Variants in ACTN1 observed in about 807,000 individuals in gnomAD.
The protein encoded by ACTN1 is alpha-actinin-1.
ACTN1 carries 30 observed loss-of-function variants against 119.6 expected under a neutral mutation model. That is an observed-to-expected ratio of 0.25 (90% confidence interval 0.19 to 0.34). The LOEUF (loss-of-function observed/expected upper bound fraction) is 0.34, where lower values mean the gene tolerates loss of function less well. Ranked by LOEUF, ACTN1 falls within the 10% of genes least tolerant of loss-of-function variation. The pLI is 1.00. For synonymous variants in ACTN1, 429 were observed against 472.6 expected (o/e 0.91, Z 1.20); for missense variants, 764 against 1,223.4 (o/e 0.62, Z 5.60).
At chr14:68,902,622 C>A (rs1056599583) in intron 7 of ACTN1, 60 bp from the exon 8 acceptor site, 4 of 1,436,310 alleles carry the variant, frequency 2.8e-6, no homozygotes, top group Non-Finnish European at 3.9e-6. Flanking sequence ...ACACCCCCGA[C>A]GTGAGGCAGA....
At chr14:68,900,157 G>A (rs2033215492) in intron 8 of ACTN1, among the ~76,000 whole-genome samples, 1 of 152,156 alleles carries the variant, frequency 6.6e-6, no homozygotes, top group African/African-American at 2.4e-5. Context: ...GCAGGGAACA[G>A]GGCTGCTGCC....
In ACTN1 at chr14:68,874,944, G is replaced by T. The variant is rs769389947; in HGVS notation, c.2660C>A (p.Ala887Asp). Residue 887 changes from alanine to aspartate, a missense_variant, in exon 22 of 22, where the codon GCC (alanine) becomes GAC (aspartate). By Grantham distance (126) the Ala-to-Asp change is moderately radical. Transcript: ENST00000394419. ...CACGGAGTCGGGGCCGGTGTAGGGG[G>T]CCATCCGCGCGATGCAGTACTCAGC... ...DQAEYCIARM[A>D]PYTGPDSVPG... is the part of the protein sequence containing the mutation. 2 of 1,613,376 alleles carry T rather than the reference G, an allele frequency of 1.2e-6. No individual in the cohort carries two copies. The highest frequency in any genetic ancestry group is 3.3e-5 in the Admixed American group (2 of 60,014).
intron 11 of ACTN1, chr14:68,888,273 T>C (rs2032189843): frequency 3.1e-6 from 1 of 326,310 alleles, no homozygotes. Context: ...GTGGCCAAAC[T>C]GCTTTCCCCA....
At chr14:68,910,736 G>A (rs1266096525) in intron 4 of ACTN1, among the ~76,000 whole-genome samples, 1 of 152,176 alleles carries the variant, frequency 6.6e-6, no homozygotes, top group African/African-American at 2.4e-5. Context: ...TGTTGTGGGA[G>A]AGAGACGGTG....
At position 68,902,560 on chromosome 14, in the gene ACTN1, T is replaced by C. The variant is rs1407337275; in HGVS notation, c.679A>G (p.Ile227Val). ...TCATCCGGTCGGGCAGTTCCAACGA[T>C]GTCTGTCAAGAAAAATCTGGAGTTA... ...DIPKMLDAED[I>V]VGTARPDEKA... The change falls in exon 8 of 22, where the codon ATC (isoleucine) becomes GTC (valine). Residue 227 changes from isoleucine (I) to valine (V), a missense_variant and splice_region_variant. This residue lies in a region of ACTN1 where 544 missense variants were observed against 912.0 expected (regional missense o/e 0.60). Transcript: ENST00000394419. 4.3e-6 allele frequency: 7 copies of C among 1,613,372 alleles called. No individual in the cohort carries two copies. The highest frequency in any genetic ancestry group is 1.3e-5 in the African/African-American group (1 of 74,846).
In ACTN1 at chr14:68,878,811, AGCAGAGG is replaced by A; in HGVS notation, c.2361+171_2361+177del. On this transcript the variant is annotated intron_variant, in intron 19 of 21. Coordinates refer to ENST00000394419, the MANE Select transcript of ACTN1 (RefSeq NM_001130004.2). This position sits in a 1 kb window ranked among gnomAD's most constrained non-coding sequence, Gnocchi z 4.4. Reference sequence around the variant, plus strand: ...CACCCAGTAGGTTGCCATGAAAGACAGCAGAGGGCAGAGGGTGGACCAGTGATGGGGC... The same window carrying A: ...CACCCAGTAGGTTGCCATGAAAGACAGCAGAGGGTGGACCAGTGATGGGGC... 3 of 1,589,306 alleles carry A rather than the reference AGCAGAGG, an allele frequency of 1.9e-6. No homozygotes were observed. Among genetic ancestry groups the A allele is most frequent in the Non-Finnish European group, 2.6e-6 (3 of 1,175,430 alleles).
At chr14:68,934,649 CA>C (rs1328345094) in intron 1 of ACTN1, among the ~76,000 whole-genome samples, 2 of 152,146 alleles carry the variant, frequency 1.3e-5, no homozygotes, top group African/African-American at 4.8e-5. Flanking sequence ...AGGCTGTAAG[CA>C]TACAAATGTT....
chr14:68,921,730 A>T (rs1345435570), intron 2 of ACTN1, among the ~76,000 whole-genome samples: 1 of 152,148 alleles, frequency 6.6e-6, no homozygotes, highest in Non-Finnish European at 1.5e-5. Flanking sequence ...GGTATAGGTC[A>T]CTCAAGTATT....
Position 68,874,404 on chromosome 14 carries a change from C to CA in ACTN1, c.*454dup, listed in dbSNP as rs1459839688. 1 of 153,504 alleles carries CA rather than the reference C, an allele frequency of 6.5e-6. No individual in the cohort carries two copies. The highest frequency in any genetic ancestry group is 2.4e-5 in the African/African-American group (1 of 41,408). 9.5% of individuals were successfully genotyped at this position (153,504 alleles called of 1,614,324 possible). On this transcript the variant is annotated 3_prime_UTR_variant, in exon 22 of 22. Coordinates refer to ENST00000394419, the MANE Select transcript of ACTN1 (RefSeq NM_001130004.2). ...ACACATGCACCAATGTGCCTTTTGA[C>CA]AAGAGTACCCCCTACCCCGACTCCC...
intron 1 of ACTN1, among the ~76,000 whole-genome samples, chr14:68,934,673 C>A (rs2035400153): frequency 6.6e-6 from 1 of 152,084 alleles, no homozygotes; most frequent in Admixed American, 6.5e-5. Context: ...TGCCAGTATT[C>A]CTTGAGAGAG....
intron 1 of ACTN1, among the ~76,000 whole-genome samples, chr14:68,973,629 G>A (rs968318101): frequency 2.0e-5 from 3 of 152,208 alleles, no homozygotes; most frequent in Non-Finnish European, 2.9e-5. Flanking sequence ...GGTCATGCAT[G>A]AAGAGGGAGG....
At chr14:68,958,023 C>T in intron 1 of ACTN1, among the ~76,000 whole-genome samples, 1 of 152,170 alleles carries the variant, frequency 6.6e-6, no homozygotes. Flanking sequence ...CCAGGCGATT[C>T]CACCACTTCT....
Position 68,967,977 on chromosome 14 carries a change from G to A in ACTN1, c.105+10975C>T, listed in dbSNP as rs983467882. Among the ~76,000 whole-genome samples the A allele has an allele frequency of 3.9e-5, 6 of 152,154 alleles. No homozygotes were observed. In the East Asian group the frequency reaches 5.8e-4, roughly 15 times the overall value. On this transcript the variant is annotated intron_variant, in intron 1 of 21. Coordinates refer to ENST00000394419, the MANE Select transcript of ACTN1 (RefSeq NM_001130004.2). The stretch of plus-strand genomic sequence containing the variant: ...CATTCCCAAATTCACGCACCTTTTC[G>A]TCATGACACATTTGCTTTATCAAGA...
chr14:68,917,246 T>G (rs1292787294), intron 3 of ACTN1, among the ~76,000 whole-genome samples: 1 of 152,180 alleles, frequency 6.6e-6, no homozygotes, highest in African/African-American at 2.4e-5. Flanking sequence ...CCAGCCTTCA[T>G]GTGCACACCT....
In ACTN1 at chr14:68,885,146, G is replaced by A. The variant is rs527569621; in HGVS notation, c.1386-263C>T. ...CAATGGCCAATGGCAGGGAGCCCTC[G>A]AGGCCCAACGAGAAAGCTCAGAACC... On this transcript the variant is annotated intron_variant, in intron 12 of 21. Coordinates refer to ENST00000394419, the MANE Select transcript of ACTN1 (RefSeq NM_001130004.2). The surrounding 1 kb of genome is among the most constrained non-coding windows in gnomAD (Gnocchi z 5.6). Among the ~76,000 whole-genome samples the A allele has an allele frequency of 4.6e-5, 7 of 152,150 alleles. No individual in the cohort carries two copies. The highest frequency in any genetic ancestry group is 2.1e-4 in the South Asian group (1 of 4,794).
Position 68,892,300 on chromosome 14 carries a change from GT to G in ACTN1, c.856-18del. On this transcript the variant is annotated intron_variant, in intron 9 of 21. Transcript: ENST00000394419. ...CTCCAACAGCTAGGGTGGGAAGGCG[GT>G]GGGGGCAGGAGGTGAGGAGGCGGGG... 6.2e-7 allele frequency: 1 copy of G among 1,603,090 alleles called. No individual in the cohort carries two copies. Among genetic ancestry groups the G allele is most frequent in the Non-Finnish European group, 8.5e-7 (1 of 1,173,452 alleles).
chr14:68,940,384 G>A (rs1446421436), intron 1 of ACTN1, among the ~76,000 whole-genome samples: 1 of 152,086 alleles, frequency 6.6e-6, no homozygotes, highest in Non-Finnish European at 1.5e-5. Flanking sequence ...GGCAGACTCT[G>A]GCCCCTAACT....
rs1406282644 is a variant in ACTN1, at chr14:68,925,366, AAT to A, written c.220+190_220+191del. On this transcript the variant is annotated intron_variant, in intron 2 of 21. Transcript: ENST00000394419. This position sits in a 1 kb window ranked among gnomAD's most constrained non-coding sequence, Gnocchi z 4.3. The stretch of plus-strand genomic sequence containing the variant: ...TAAAACAAACAAGGATGCTGAAACA[AAT>A]GTCCAAGGCACCTGGATGGCTGGCA... Among the ~76,000 whole-genome samples the A allele has an allele frequency of 1.3e-5, 2 of 149,898 alleles. No individual in the cohort carries two copies. The highest frequency in any genetic ancestry group is 4.9e-5 in the African/African-American group (2 of 40,616).
Position 68,878,733 on chromosome 14 carries a change from G to A in ACTN1, c.2362-210C>T. 1 of 1,537,968 alleles carries A rather than the reference G, an allele frequency of 6.5e-7. No individual in the cohort carries two copies. Among genetic ancestry groups the A allele is most frequent in the Non-Finnish European group, 8.7e-7 (1 of 1,147,922 alleles). ...AGACAGGAGGAAGACAGAGCAGGGA[G>A]ATGCAAAAATCCACCCATGGGATGA... is the stretch of plus-strand genomic sequence containing the variant. On this transcript the variant is annotated intron_variant, in intron 19 of 21. Coordinates refer to ENST00000394419, the MANE Select transcript of ACTN1 (RefSeq NM_001130004.2). This position sits in a 1 kb window ranked among gnomAD's most constrained non-coding sequence, Gnocchi z 4.4.
Sources: gnomAD v4.1 joint callset for allele counts (sites outside exome capture counted in the v4.1 genomes callset) on GRCh38, gnomAD v4.1.1 for gene constraint, gnomAD v4.1.1 regional missense constraint, Gnocchi (gnomAD v3.1) non-coding constraint, MANE v1.5 for transcripts, NCBI Gene and HGNC (gene_info 2026-07-23, HGNC 2026-07-21) for gene names.